SMO: variants seen among roughly 807,000 people sequenced by gnomAD.
SMO encodes the protein protein smoothened.
SMO carries 40 observed loss-of-function variants against 81.6 expected under a neutral mutation model. That is an observed-to-expected ratio of 0.49 (90% CI 0.38 to 0.64). The LOEUF (loss-of-function observed/expected upper bound fraction) is 0.64. SMO is among the 30% of genes least tolerant of loss of function. SMO has a pLI of 0.00. For missense variants in SMO, 916 were observed against 1,061.1 expected, an observed-to-expected ratio of 0.86 and a Z score of 1.90; for synonymous variants, 434 against 432.1, an observed-to-expected ratio of 1.00 and a Z score of -0.05.
At chr7:129,195,804 A>G (rs1233616894) in intron 1 of SMO, among the ~76,000 whole-genome samples, 1 of 152,116 alleles carries the variant, frequency 6.6e-6, no homozygotes, top group Admixed American at 6.6e-5. Flanking sequence ...AGGTACTATT[A>G]ACATTATGTA....
At chr7:129,197,164 G>C (rs1443350104) in intron 1 of SMO, among the ~76,000 whole-genome samples, 2 of 151,998 alleles carry the variant, frequency 1.3e-5, no homozygotes, top group African/African-American at 4.8e-5. Flanking sequence ...TGAGTAATGA[G>C]TTTTGTTTCT....
intron 1 of SMO, among the ~76,000 whole-genome samples, chr7:129,190,620 C>T (rs1249128248): frequency 5.9e-5 from 9 of 152,218 alleles, no homozygotes; most frequent in Admixed American, 5.2e-4. Flanking sequence ...GACAAGTTCT[C>T]GGCCTTTGTC....
At chr7:129,192,187 A>G (rs1156473832) in intron 1 of SMO, among the ~76,000 whole-genome samples, 1 of 152,200 alleles carries the variant, frequency 6.6e-6, no homozygotes, top group African/African-American at 2.4e-5. Context: ...CTTGACACAT[A>G]AGCAGGAATT....
rs1036746847 is a variant in SMO at position 129,211,910 on chromosome 7, C to T, written c.1937-114C>T. The T allele has an allele frequency of 8.5e-6, 12 of 1,416,514 alleles. No homozygotes were observed. The Middle Eastern group carries it at 1.8e-3, about 210-fold the overall frequency. The allele number at this position is 1,416,514 out of a possible 1,614,324, so 87.7% of individuals were successfully genotyped here. A position where few individuals can be genotyped will look rare whatever the true frequency, so the allele number is the denominator to read the frequency against. On this transcript the variant is annotated intron_variant, in intron 11 of 11. Transcript: ENST00000249373. This position sits in a 1 kb window ranked among gnomAD's most constrained non-coding sequence, Gnocchi z 4.6. The stretch of plus-strand genomic sequence containing the variant: ...GGATCTGAAGAGTGGGGCTGAGGCT[C>T]TAAGAGTCTAGAGACCTGGGCCCCA...
chr7:129,189,171 C>T lies in SMO; in HGVS notation c.20C>T (p.Ala7Val), dbSNP rs1317452947. The change falls in exon 1 of 12, where the codon GCG (alanine) becomes GTG (valine). Residue 7 changes from alanine to valine, a missense_variant. By Grantham distance (64) the Ala-to-Val change is moderately conservative. Around this residue, in one of 4 missense-constraint regions of SMO, gnomAD observed 146 missense variants for 149.9 expected, o/e 0.97. Transcript: ENST00000249373. This position sits in a 1 kb window ranked among gnomAD's most constrained non-coding sequence, Gnocchi z 4.7. ...TTGGCCATGGCCGCTGCCCGCCCAGCGCGGGGGCCGGAGCTCCCGCTCCTG... is the reference window on the plus strand; with the variant it reads ...TTGGCCATGGCCGCTGCCCGCCCAGTGCGGGGGCCGGAGCTCCCGCTCCTG... MAAARPARGPELPLLGL... is the reference protein window; with the variant it reads MAAARPVRGPELPLLGL... 8.5e-7 allele frequency: 1 copy of T among 1,179,858 alleles called. No homozygotes were observed. The highest frequency in any genetic ancestry group is 1.1e-6 in the Non-Finnish European group (1 of 945,592). 73.1% of individuals were successfully genotyped at this position (1,179,858 alleles called of 1,614,324 possible).
At position 129,188,917 on chromosome 7, in the gene SMO, TGCATCCCGTTCCGGGCCTCCGCA is replaced by T. The variant is rs1793436768; in HGVS notation, c.-232_-210del. The stretch of plus-strand genomic sequence containing the variant: ...TGCGAGGCTAGGGCTTGGGGAGTCG[TGCATCCCGTTCCGGGCCTCCGCA>T]GCCCAACATGGGCCCCGGGTTCCAA... On this transcript the variant is annotated 5_prime_UTR_variant, in exon 1 of 12. Coordinates refer to ENST00000249373, the MANE Select transcript of SMO (RefSeq NM_005631.5). The surrounding 1 kb of genome is among the most constrained non-coding windows in gnomAD (Gnocchi z 4.9). 1 of 336,616 alleles carries T rather than the reference TGCATCCCGTTCCGGGCCTCCGCA, an allele frequency of 3.0e-6. No homozygotes were observed. The highest frequency in any genetic ancestry group is 4.9e-5 in the Admixed American group (1 of 20,532). 20.9% of individuals were successfully genotyped at this position (336,616 alleles called of 1,614,324 possible).
chr7:129,194,014 C>A (rs1447991150), intron 1 of SMO, among the ~76,000 whole-genome samples: 2 of 150,150 alleles, frequency 1.3e-5, no homozygotes, highest in South Asian at 2.1e-4. Flanking sequence ...GCAAAAGGAT[C>A]GCTTGAACCC....
At chr7:129,190,716 G>A (rs2150639357) in intron 1 of SMO, among the ~76,000 whole-genome samples, 1 of 152,366 alleles carries the variant, frequency 6.6e-6, no homozygotes, top group South Asian at 2.1e-4. Context: ...GTACCCATGA[G>A]GAAGAGCTGC....
In SMO at chr7:129,206,718, GT is replaced by G; in HGVS notation, c.1264+132del. ...CTAGCTCCTATAGGGCCTTCACACAGTAGAAGGTGACCCTCTAGGCAGACGA... is the reference window on the plus strand; with the variant it reads ...CTAGCTCCTATAGGGCCTTCACACAGAGAAGGTGACCCTCTAGGCAGACGA... On this transcript the variant is annotated intron_variant, in intron 6 of 11. Transcript: ENST00000249373. The surrounding 1 kb of genome is among the most constrained non-coding windows in gnomAD (Gnocchi z 4.4). 1 of 909,776 alleles carries G rather than the reference GT, an allele frequency of 1.1e-6. No homozygotes were observed. The highest frequency in any genetic ancestry group is 1.7e-6 in the Non-Finnish European group (1 of 591,820). The allele number at this position is 909,776 out of a possible 1,614,324, so 56.4% of individuals were successfully genotyped here. A position where few individuals can be genotyped will look rare whatever the true frequency, so the allele number is the denominator to read the frequency against.
rs766125257 is a variant in SMO at position 129,206,133 on chromosome 7, C to T, written c.921-17C>T. The T allele has an allele frequency of 1.3e-6, 2 of 1,567,484 alleles. No individual in the cohort carries two copies. The highest frequency in any genetic ancestry group is 2.4e-5 in the South Asian group (2 of 83,240). The stretch of plus-strand genomic sequence containing the variant: ...ACAGAGTGACCGCCTCAAGTGACAC[C>T]TCACCTCTCTGCACAGCTCCAATGA... On this transcript the variant is annotated splice_polypyrimidine_tract_variant and intron_variant, in intron 4 of 11. Transcript: ENST00000249373. The surrounding 1 kb of genome is among the most constrained non-coding windows in gnomAD (Gnocchi z 4.4).
In SMO at chr7:129,210,156, A is replaced by G; in HGVS notation, c.1467-207A>G. 5.6e-6 allele frequency: 3 copies of G among 538,228 alleles called. No individual in the cohort carries two copies. In the Admixed American group the frequency reaches 9.4e-5, roughly 17 times the overall value. 33.3% of individuals were successfully genotyped at this position (538,228 alleles called of 1,614,324 possible). A position where few individuals can be genotyped will look rare whatever the true frequency, so the allele number is the denominator to read the frequency against. ...GTTTTTGGATTGATTGTCTGAGTCT[A>G]CCCAGTAGACTCAGAAAACCCCACC... On this transcript the variant is annotated intron_variant, in intron 8 of 11. Transcript: ENST00000249373. The surrounding 1 kb of genome is among the most constrained non-coding windows in gnomAD (Gnocchi z 4.7).
intron 1 of SMO, among the ~76,000 whole-genome samples, chr7:129,195,856 C>T (rs1181438737): frequency 1.3e-5 from 2 of 152,014 alleles, no homozygotes; most frequent in Non-Finnish European, 2.9e-5. Flanking sequence ...AATCCCAGCA[C>T]TTTGGGAGGT....
chr7:129,189,807 T>G lies in SMO; in HGVS notation c.331+325T>G, dbSNP rs1045518199. Reference sequence around the variant, plus strand: ...GACATTTTGTAAGAAGAGGAGATGCTCCACCTATTCTGGAAGCAGGGTGCC... The same window carrying G: ...GACATTTTGTAAGAAGAGGAGATGCGCCACCTATTCTGGAAGCAGGGTGCC... On this transcript the variant is annotated intron_variant, in intron 1 of 11. Transcript: ENST00000249373. This position sits in a 1 kb window ranked among gnomAD's most constrained non-coding sequence, Gnocchi z 4.7. Among the ~76,000 whole-genome samples the G allele has an allele frequency of 2.0e-5, 3 of 151,956 alleles. No homozygotes were observed. Among genetic ancestry groups the G allele is most frequent in the African/African-American group, 7.3e-5 (3 of 41,352 alleles).
Position 129,210,102 on chromosome 7 carries a change from C to T in SMO, c.1467-261C>T. 2.7e-6 allele frequency: 1 copy of T among 375,532 alleles called. No individual in the cohort carries two copies. The highest frequency in any genetic ancestry group is 3.6e-5 in the South Asian group (1 of 28,106). The allele number at this position is 375,532 out of a possible 1,614,324, so 23.3% of individuals were successfully genotyped here. A position where few individuals can be genotyped will look rare whatever the true frequency, so the allele number is the denominator to read the frequency against. ...TCTAATGAGCACCCAGGGTTGAGAT[C>T]AGTGCTGTGGAGCTTAGCCCTTTCT... On this transcript the variant is annotated intron_variant, in intron 8 of 11. Transcript: ENST00000249373. This position sits in a 1 kb window ranked among gnomAD's most constrained non-coding sequence, Gnocchi z 4.7.
rs2150646570 is a variant in SMO at position 129,203,438 on chromosome 7, T to C, written c.386T>C (p.Val129Ala). 2 of 1,567,218 alleles carry C rather than the reference T, an allele frequency of 1.3e-6. No individual in the cohort carries two copies. The highest frequency in any genetic ancestry group is 1.7e-6 in the Non-Finnish European group (2 of 1,155,532). ...GTGATCCAGCCCCTGCTGTGTGCCG[T>C]ATACATGCCCAAGTGTGAGAATGAC... ...WAVIQPLLCA[V>A]YMPKCENDRV... The change falls in exon 2 of 12, where the codon GTA becomes GCA. Residue 129 changes from valine to alanine, a missense_variant. Transcript: ENST00000249373.
In SMO at chr7:129,210,199, G is replaced by C. The variant is rs1219098395; in HGVS notation, c.1467-164G>C. ...ACCCCACCTGTAGTCCCAGCTACTT[G>C]GGAGGCTGAAGCAGGAGATTGCCTG... On this transcript the variant is annotated intron_variant, in intron 8 of 11. Transcript: ENST00000249373. This position sits in a 1 kb window ranked among gnomAD's most constrained non-coding sequence, Gnocchi z 4.7. 4 of 595,162 alleles carry C rather than the reference G, an allele frequency of 6.7e-6. No individual in the cohort carries two copies. The highest frequency in any genetic ancestry group is 1.2e-5 in the Non-Finnish European group (4 of 335,158). The allele number at this position is 595,162 out of a possible 1,614,324, so 36.9% of individuals were successfully genotyped here.
intron 1 of SMO, among the ~76,000 whole-genome samples, chr7:129,196,131 C>CA (rs1226586856): frequency 6.2e-5 from 9 of 144,450 alleles, no homozygotes; most frequent in East Asian, 6.1e-4. Context: ...AAAAAAAAAA[C>CA]AAAAAAAAAT....
chr7:129,209,238 T>A (rs1247404394), intron 7 of SMO, 51 bp from the exon 8 acceptor site: 1 of 1,107,462 alleles, frequency 9.0e-7, no homozygotes, highest in South Asian at 1.3e-5. Context: ...TCCCCACTGC[T>A]GCTGCGGGAC....
Position 129,205,707 on chromosome 7 carries a change from T to C in SMO, c.845T>C (p.Leu282Pro). The C allele has an allele frequency of 6.2e-7, 1 of 1,613,336 alleles. No homozygotes were observed. Among genetic ancestry groups the C allele is most frequent in the South Asian group, 1.1e-5 (1 of 91,088 alleles). Residue 282 changes from leucine to proline, a missense_variant, in exon 4 of 12, where the codon CTG (leucine) becomes CCG (proline). Coordinates refer to ENST00000249373, the MANE Select transcript of SMO (RefSeq NM_005631.5). ...ACFFVGSIGW[L>P]AQFMDGARRE... ...TTCTTTGTGGGCAGCATTGGCTGGC[T>C]GGCCCAGTTCATGGATGGTGCCCGC...
Sources: gnomAD v4.1 joint callset for allele counts (sites outside exome capture counted in the v4.1 genomes callset) on GRCh38, gnomAD v4.1.1 for gene constraint, gnomAD v4.1.1 regional missense constraint, Gnocchi (gnomAD v3.1) non-coding constraint, MANE v1.5 for transcripts, NCBI Gene and HGNC (gene_info 2026-07-23, HGNC 2026-07-21) for gene names.